The following SAMSN1 variants were observed in gnomAD, a reference collection of about 807,000 sequenced individuals.
SAMSN1 encodes SAM domain, SH3 domain and nuclear localization signals 1, also known as SAM domain-containing protein SAMSN-1.
SAMSN1 carries 31 observed loss-of-function variants against 42.0 expected under a neutral mutation model. The ratio of observed to expected loss-of-function variants is 0.74; its 90% CI spans 0.55 to 1.00. The LOEUF is 1.00. SAMSN1 is among the 50% of genes least tolerant of loss of function. The pLI, the probability that SAMSN1 is intolerant of heterozygous loss-of-function variation, is 0.00. For missense variants in SAMSN1, 464 were observed against 439.4 expected, an observed-to-expected ratio of 1.06 and a Z score of -0.50; for synonymous variants, 178 against 151.9, an observed-to-expected ratio of 1.17 and a Z score of -1.26.
chr21:14,651,133 T>C (rs1394420012), intron 1 of SAMSN1, among the ~76,000 whole-genome samples: 1 of 151,908 alleles, frequency 6.6e-6, no homozygotes, highest in African/African-American at 2.4e-5. Flanking sequence ...TTACTCAAAC[T>C]ATTCCAAAAA....
chr21:14,639,516 T>C (rs1261772293), intron 2 of SAMSN1, among the ~76,000 whole-genome samples: 2 of 152,224 alleles, frequency 1.3e-5, no homozygotes, highest in Non-Finnish European at 2.9e-5. Context: ...TTTCATGATC[T>C]ATTAATCTCT....
intron 2 of SAMSN1, among the ~76,000 whole-genome samples, chr21:14,553,210 A>G (rs569858256): frequency 1.3e-5 from 2 of 152,184 alleles, no homozygotes; most frequent in East Asian, 3.9e-4. Flanking sequence ...ATCATTAGTC[A>G]CTATTAACAT....
At chr21:14,645,093 C>A (rs1600982403) in intron 1 of SAMSN1, among the ~76,000 whole-genome samples, 2 of 152,318 alleles carry the variant, frequency 1.3e-5, no homozygotes, top group South Asian at 4.1e-4. Context: ...GCCTTCAGTG[C>A]CCTGAAGGGA....
At chr21:14,606,367 T>G (rs1025020688) in intron 5 of SAMSN1, among the ~76,000 whole-genome samples, 5 of 152,180 alleles carry the variant, frequency 3.3e-5, no homozygotes, top group Non-Finnish European at 7.3e-5. Context: ...ATTTTTTAAA[T>G]GTTGATTTAT....
At chr21:14,646,765 G>T (rs560484923) in intron 1 of SAMSN1, among the ~76,000 whole-genome samples, 1 of 152,168 alleles carries the variant, frequency 6.6e-6, no homozygotes, top group African/African-American at 2.4e-5. Flanking sequence ...AAGTTAAAAA[G>T]CAGGGAGACA....
chr21:14,524,926 G>A (rs1288435150), intron 1 of SAMSN1, among the ~76,000 whole-genome samples: 2 of 152,098 alleles, frequency 1.3e-5, no homozygotes, highest in African/African-American at 2.4e-5. Flanking sequence ...AAATGCATCA[G>A]TTACATTGGG....
In SAMSN1 at chr21:14,579,641, C is replaced by CTTTT. The variant is rs1247868810; in HGVS notation, c.261+2491_261+2494dup. On this transcript the variant is annotated intron_variant, in intron 2 of 8. Transcript: ENST00000285670. ...TGCACTTCATGTTAGAAAATGCTCA[C>CTTTT]TTTTTTTTTTTTTTTTTTTTTTTGG... Among the ~76,000 whole-genome samples, 105 of 89,128 alleles carry CTTTT rather than the reference C, an allele frequency of 1.2e-3. 2 individuals are homozygous for CTTTT. The highest frequency in any genetic ancestry group is 4.5e-3 in the African/African-American group (94 of 20,786). 58.5% of individuals were successfully genotyped at this position (89,128 alleles called of 152,430 possible). A position where few individuals can be genotyped will look rare whatever the true frequency, so the allele number is the denominator to read the frequency against.
chr21:14,646,376 G>A (rs1341796727), intron 1 of SAMSN1, among the ~76,000 whole-genome samples: 1 of 152,140 alleles, frequency 6.6e-6, no homozygotes, highest in Non-Finnish European at 1.5e-5. Context: ...TATTTAAAGT[G>A]CTTAAGGAAA....
rs1007741156 is a variant in SAMSN1, at chr21:14,576,641, G to T, written c.261+5495C>A. Among the ~76,000 whole-genome samples, 27 of 144,646 alleles carry T rather than the reference G, an allele frequency of 1.9e-4. 1 individual carries two copies. Among genetic ancestry groups the T allele is most frequent in the African/African-American group, 4.4e-4 (15 of 34,354 alleles). The allele number at this position is 144,646 out of a possible 152,430, so 94.9% of individuals were successfully genotyped here. ...CTGTTCCTCCAACTGAAACAGTTGCGTAAAGAATTTTTCCATCATCCACAC... is the reference window on the plus strand; with the variant it reads ...CTGTTCCTCCAACTGAAACAGTTGCTTAAAGAATTTTTCCATCATCCACAC... On this transcript the variant is annotated intron_variant, in intron 2 of 8. Coordinates refer to the SAMSN1 transcript ENST00000285670.
At chr21:14,489,034 C>G (rs1447121498) in intron 7 of SAMSN1, among the ~76,000 whole-genome samples, 1 of 152,182 alleles carries the variant, frequency 6.6e-6, no homozygotes, top group Non-Finnish European at 1.5e-5. Context: ...TTGGCACAAA[C>G]CTAGGTCTTG....
At chr21:14,627,457 C>T (rs900811478) in intron 2 of SAMSN1, among the ~76,000 whole-genome samples, 1 of 152,184 alleles carries the variant, frequency 6.6e-6, no homozygotes, top group Non-Finnish European at 1.5e-5. Flanking sequence ...TCTCTGAATA[C>T]TCTCCATCCT....
chr21:14,571,398 C>A, intron 2 of SAMSN1, among the ~76,000 whole-genome samples: 1 of 152,124 alleles, frequency 6.6e-6, no homozygotes, highest in East Asian at 1.9e-4. Context: ...GCAATAAAGC[C>A]ATATTTCTAA....
intron 6 of SAMSN1, chr21:14,594,126 T>TA: frequency 1.6e-6 from 1 of 643,536 alleles, no homozygotes; most frequent in Non-Finnish European, 2.9e-6. Flanking sequence ...TAACATTCTT[T>TA]AAAAAACAAA....
chr21:14,638,659 C>T (rs970416432), intron 2 of SAMSN1, among the ~76,000 whole-genome samples: 4 of 152,204 alleles, frequency 2.6e-5, no homozygotes, highest in African/African-American at 9.6e-5. Context: ...ATCAGCCCTT[C>T]TGAGCGTTCT....
At chr21:14,615,863 CAAAAA>C (rs34255188) in intron 3 of SAMSN1, 3,844 of 116,034 alleles carry the variant, frequency 0.033, 39 homozygotes, top group African/African-American at 0.091. Flanking sequence ...ATGACAGCTG[CAAAAA>C]AAAAAAAAAA....
intron 2 of SAMSN1, among the ~76,000 whole-genome samples, chr21:14,621,848 G>A (rs28824878): frequency 0.02 from 3,097 of 152,258 alleles, 111 homozygotes; most frequent in African/African-American, 0.07. Flanking sequence ...CCTGACCCTC[G>A]AGTAGCCTAA....
chr21:14,618,991 A>G (rs1010901038), intron 2 of SAMSN1, among the ~76,000 whole-genome samples: 2 of 152,230 alleles, frequency 1.3e-5, no homozygotes, highest in African/African-American at 2.4e-5. Flanking sequence ...CAAATGAACC[A>G]ACAGAAACTA....
chr21:14,631,381 G>T (rs1204322388), intron 2 of SAMSN1, among the ~76,000 whole-genome samples: 1 of 152,172 alleles, frequency 6.6e-6, no homozygotes, highest in Non-Finnish European at 1.5e-5. Context: ...AGAGTTTAAA[G>T]AACTTGTCCA....
chr21:14,623,423 GGAA>G (rs893690529), intron 2 of SAMSN1, among the ~76,000 whole-genome samples: 1 of 152,124 alleles, frequency 6.6e-6, no homozygotes. Context: ...ATAAAGGGAT[GGAA>G]GAAGATCTAC....
Sources: gnomAD v4.1 joint callset for allele counts (sites outside exome capture counted in the v4.1 genomes callset) on GRCh38, gnomAD v4.1.1 for gene constraint, MANE v1.5 for transcripts, NCBI Gene and HGNC (gene_info 2026-07-23, HGNC 2026-07-21) for gene names.